Variants in SORCS2 observed in about 807,000 individuals in gnomAD.
SORCS2 encodes sortilin related VPS10 domain containing receptor 2.
Under a neutral mutation model 141.6 loss-of-function variants are expected in SORCS2, and 100 were observed. The ratio of observed to expected loss-of-function variants is 0.71; its 90% confidence interval spans 0.60 to 0.83. SORCS2 has a LOEUF of 0.83. Ranked by LOEUF, SORCS2 falls within the 40% of genes least tolerant of loss-of-function variation. The pLI, the probability that SORCS2 is intolerant of heterozygous loss-of-function variation, is 0.00. For synonymous variants in SORCS2, 789 were observed against 676.9 expected (o/e 1.17, Z -2.57); for missense variants, 1,646 against 1,560.2 (o/e 1.05, Z -0.93).
At chr4:7,611,130 T>C (rs1415488322) in intron 3 of SORCS2, among the ~76,000 whole-genome samples, 1 of 152,090 alleles carries the variant, frequency 6.6e-6, no homozygotes. Flanking sequence ...ACTGAGGCTG[T>C]GAAAAGCAAA....
Position 7,648,083 on chromosome 4 carries a change from G to C in SORCS2, c.814-6051G>C, listed in dbSNP as rs902062585. On this transcript the variant is annotated intron_variant, in intron 4 of 26. Transcript: ENST00000507866. This position sits in a 1 kb window ranked among gnomAD's most constrained non-coding sequence, Gnocchi z 4.2. ...GATGGAATGGGGTGCCGGCCCCTGA[G>C]GGCTCTGCTTACGGTGGGGCAGGTG... Among the ~76,000 whole-genome samples the C allele has an allele frequency of 6.6e-6, 1 of 152,134 alleles. No homozygotes were observed. The highest frequency in any genetic ancestry group is 1.5e-5 in the Non-Finnish European group (1 of 68,026).
chr4:7,388,723 G>A (rs36064772), intron 1 of SORCS2, among the ~76,000 whole-genome samples: 19,164 of 152,100 alleles, frequency 0.13, 1,531 homozygotes, highest in Admixed American at 0.21. Context: ...GACCTCTCCC[G>A]CTTGTGAACG....
chr4:7,314,333 T>A (rs59893073), intron 1 of SORCS2, among the ~76,000 whole-genome samples: 41,135 of 98,500 alleles, frequency 0.42, 6,055 homozygotes, highest in South Asian at 0.5. Context: ...CTTTTTTTTA[T>A]TTTTTTTATT....
At chr4:7,737,222 C>G in intron 26 of SORCS2, 50 bp downstream of exon 26, 1 of 1,547,616 alleles carries the variant, frequency 6.5e-7, no homozygotes, top group Non-Finnish European at 8.7e-7. Flanking sequence ...TAGGTAACGT[C>G]CGCCCCAAAC....
chr4:7,410,885 C>T (rs892373483), intron 2 of SORCS2, among the ~76,000 whole-genome samples: 10 of 149,780 alleles, frequency 6.7e-5, no homozygotes, highest in African/African-American at 1.5e-4. Flanking sequence ...TGAGAAATCA[C>T]GAGAATTTGA....
intron 2 of SORCS2, among the ~76,000 whole-genome samples, chr4:7,454,896 T>C (rs1728773670): frequency 7.4e-6 from 1 of 134,450 alleles, no homozygotes; most frequent in African/African-American, 2.9e-5. Context: ...AGGTGCTGTG[T>C]TGGGGTCAGG....
chr4:7,288,619 AAGAG>A (rs377036685), intron 1 of SORCS2, among the ~76,000 whole-genome samples: 114 of 148,944 alleles, frequency 7.7e-4, no homozygotes, highest in South Asian at 2.8e-3. Flanking sequence ...GAGGGGAGAG[AAGAG>A]AGAGAGAGAG....
intron 11 of SORCS2, 41 bp downstream of exon 11, chr4:7,689,629 C>T (rs755142101): frequency 1.9e-5 from 29 of 1,529,164 alleles, no homozygotes; most frequent in Admixed American, 3.9e-5. Flanking sequence ...GGTGCCATTA[C>T]AGCCCAAGAG....
At position 7,476,414 on chromosome 4, in the gene SORCS2, G is replaced by T. The variant is rs368947848; in HGVS notation, c.549-55116G>T. ...GTTTCTTCTTCTCTGGGATGTGTCG[G>T]TGTTTGCTCTCAATGCCTTCAATGG... is the stretch of plus-strand genomic sequence containing the variant. On this transcript the variant is annotated intron_variant, in intron 2 of 26. Transcript: ENST00000507866. Among the ~76,000 whole-genome samples the T allele has an allele frequency of 1.0e-3, 154 of 152,296 alleles. 1 individual carries two copies. The highest frequency in any genetic ancestry group is 3.5e-3 in the African/African-American group (144 of 41,568).
intron 3 of SORCS2, among the ~76,000 whole-genome samples, chr4:7,596,569 C>G (rs1717290167): frequency 6.6e-6 from 1 of 152,184 alleles, no homozygotes; most frequent in African/African-American, 2.4e-5. Context: ...CGTGCTAAAA[C>G]CCATTTCCAT....
chr4:7,694,006 G>A (rs74460583), intron 11 of SORCS2, among the ~76,000 whole-genome samples: 4,313 of 152,332 alleles, frequency 0.028, 101 homozygotes, highest in Middle Eastern at 0.058. Flanking sequence ...CCTGGGCCCC[G>A]GCTGTGTCTT....
At chr4:7,489,936 G>T (rs1731218166) in intron 2 of SORCS2, among the ~76,000 whole-genome samples, 1 of 152,238 alleles carries the variant, frequency 6.6e-6, no homozygotes, top group African/African-American at 2.4e-5. Flanking sequence ...TGGCTAGGCG[G>T]ATGGTGAATG....
intron 1 of SORCS2, among the ~76,000 whole-genome samples, chr4:7,254,455 G>T (rs899282237): frequency 1.3e-5 from 2 of 152,182 alleles, no homozygotes; most frequent in African/African-American, 4.8e-5. Flanking sequence ...ACTCATAAGT[G>T]GGTACTAAGA....
intron 4 of SORCS2, among the ~76,000 whole-genome samples, chr4:7,639,678 TGTGAGG>T (rs528507850): frequency 6.7e-6 from 1 of 149,744 alleles, no homozygotes; most frequent in Non-Finnish European, 1.5e-5. Flanking sequence ...TGTGTGTGAG[TGTGAGG>T]GTGTGGGTGT....
chr4:7,668,116 T>C (rs1046795125), intron 8 of SORCS2, among the ~76,000 whole-genome samples: 2 of 152,202 alleles, frequency 1.3e-5, no homozygotes, highest in Non-Finnish European at 2.9e-5. Flanking sequence ...GGCCATGCTG[T>C]GAATCAGAAG....
At chr4:7,325,891 C>G (rs778941637) in intron 1 of SORCS2, among the ~76,000 whole-genome samples, 33 of 152,146 alleles carry the variant, frequency 2.2e-4, no homozygotes, top group South Asian at 4.2e-4. Context: ...CATGCACTGG[C>G]GGGCGGGGCG....
At chr4:7,377,307 A>G (rs912360088) in intron 1 of SORCS2, among the ~76,000 whole-genome samples, 1 of 151,784 alleles carries the variant, frequency 6.6e-6, no homozygotes, top group African/African-American at 2.4e-5. Context: ...TACAGCTTCG[A>G]ATGTTGACAA....
chr4:7,717,032 C>T (rs1008231359), intron 17 of SORCS2, among the ~76,000 whole-genome samples: 3 of 152,204 alleles, frequency 2.0e-5, no homozygotes, highest in Admixed American at 1.3e-4. Flanking sequence ...GAGACAGGTA[C>T]CCCCAGCACC....
At chr4:7,738,972 GCGT>G (rs1316628326) in intron 26 of SORCS2, among the ~76,000 whole-genome samples, 1 of 152,132 alleles carries the variant, frequency 6.6e-6, no homozygotes, top group Non-Finnish European at 1.5e-5. Context: ...ATGGCGTGAT[GCGT>G]CTGTAGACTT....
Sources: allele counts gnomAD v4.1 joint callset (sites outside exome capture counted in the v4.1 genomes callset), GRCh38; gene constraint gnomAD v4.1.1; non-coding constraint Gnocchi (gnomAD v3.1); transcripts MANE v1.5; gene names NCBI Gene and HGNC (gene_info 2026-07-23, HGNC 2026-07-21).